The following PAK1 variants were observed in gnomAD, a reference collection of about 807,000 sequenced individuals.
PAK1 encodes the protein serine/threonine-protein kinase PAK 1.
PAK1 carries 29 observed loss-of-function variants against 67.4 expected under a neutral mutation model. The ratio of observed to expected loss-of-function variants is 0.43; its 90% confidence interval spans 0.32 to 0.59. PAK1 has a LOEUF of 0.59. PAK1 is among the 20% of genes least tolerant of loss of function. The probability of loss-of-function intolerance (pLI) is 0.07; values close to 1 mark genes in which losing one functional copy is unlikely to be tolerated. For synonymous variants in PAK1, 223 were observed against 237.4 expected, an observed-to-expected ratio of 0.94 and a Z score of 0.56; for missense variants, 337 against 670.7, an observed-to-expected ratio of 0.50 and a Z score of 5.50.
chr11:77,328,854 T>G (rs539913742), intron 14 of PAK1, among the ~76,000 whole-genome samples: 1 of 152,104 alleles, frequency 6.6e-6, no homozygotes, highest in Non-Finnish European at 1.5e-5. Context: ...AGCTGGTTTT[T>G]TGAAAGGATC....
Position 77,371,478 on chromosome 11 carries a change from T to C in PAK1, c.477+2850A>G, listed in dbSNP as rs184250021. Reference sequence around the variant, plus strand: ...GCATAAAGAAGATACTAAGTCAATATTTAGGGTATGAGTGAATACATGAAT... The same window carrying C: ...GCATAAAGAAGATACTAAGTCAATACTTAGGGTATGAGTGAATACATGAAT... On this transcript the variant is annotated intron_variant, in intron 5 of 14. Transcript: ENST00000356341. 3.9e-3 allele frequency among the ~76,000 whole-genome samples: 589 copies of C among 152,326 alleles called. 4 individuals carry two copies. Among genetic ancestry groups the C allele is most frequent in the African/African-American group, 0.013 (556 of 41,576 alleles).
At chr11:77,458,971 G>A (rs910828621) in intron 1 of PAK1, among the ~76,000 whole-genome samples, 3 of 152,168 alleles carry the variant, frequency 2.0e-5, no homozygotes, top group African/African-American at 7.2e-5. Flanking sequence ...GAAAACTGGG[G>A]AAGCCTACAT....
At chr11:77,393,001 T>C (rs1951332343) in intron 1 of PAK1, among the ~76,000 whole-genome samples, 1 of 152,202 alleles carries the variant, frequency 6.6e-6, no homozygotes, top group African/African-American at 2.4e-5. Flanking sequence ...CAAGTTACAC[T>C]TTCCCTCTTG....
rs147673817 is a variant in PAK1 at position 77,399,589 on chromosome 11, G to A, written c.-21-7048C>T. Among the ~76,000 whole-genome samples, 12 of 152,192 alleles carry A rather than the reference G, an allele frequency of 7.9e-5. No individual in the cohort carries two copies. In the East Asian group the frequency reaches 2.3e-3, roughly 29 times the overall value. On this transcript the variant is annotated intron_variant, in intron 1 of 14. Transcript: ENST00000356341. Reference sequence around the variant, plus strand: ...TAAGAAATAAGATTGGCCGGGCGCGGTGGCTCACGCCTGTAATCCCAGCAC... The same window carrying A: ...TAAGAAATAAGATTGGCCGGGCGCGATGGCTCACGCCTGTAATCCCAGCAC...
At chr11:77,410,140 T>C (rs1954283854) in intron 1 of PAK1, among the ~76,000 whole-genome samples, 1 of 152,160 alleles carries the variant, frequency 6.6e-6, no homozygotes, top group Admixed American at 6.5e-5. Flanking sequence ...GGCTACCTCC[T>C]TTCCTCCAGA....
chr11:77,488,685 A>G, the PAK1 span, among the ~76,000 whole-genome samples: 1 of 152,120 alleles, frequency 6.6e-6, no homozygotes, highest in South Asian at 2.1e-4. Context: ...TTAACACAGA[A>G]TTGATCAAGC....
At chr11:77,501,619 C>G in the PAK1 span, among the ~76,000 whole-genome samples, 4 of 152,288 alleles carry the variant, frequency 2.6e-5, no homozygotes, top group East Asian at 3.9e-4. Context: ...CAGGGACAGG[C>G]TTGTGGGAAT....
intron 13 of PAK1, among the ~76,000 whole-genome samples, chr11:77,333,913 A>T (rs1942193257): frequency 6.6e-6 from 1 of 152,024 alleles, no homozygotes. Context: ...TAATCCCAGC[A>T]CTTTGGGAGG....
intron 1 of PAK1, among the ~76,000 whole-genome samples, chr11:77,428,750 G>A (rs1335083143): frequency 6.6e-6 from 1 of 151,806 alleles, no homozygotes; most frequent in Non-Finnish European, 1.5e-5. Flanking sequence ...GTGGACTGGT[G>A]TGGAATATCA....
In PAK1 at chr11:77,332,806, G is replaced by A; in HGVS notation, c.1475C>T (p.Ala492Val). 1 of 1,613,192 alleles carries A rather than the reference G, an allele frequency of 6.2e-7. No homozygotes were observed. Among genetic ancestry groups the A allele is most frequent in the South Asian group, 1.1e-5 (1 of 91,064 alleles). ...GCGGTTCAGAAAGTCCCGGAAGATA[G>A]CTGACAGCTTCTCTGGGTTCTGAAG... ...PELQNPEKLSAIFRDFLNRCL... is the reference protein window; with the variant it reads ...PELQNPEKLSVIFRDFLNRCL... The change falls in exon 14 of 15, where the codon GCT (alanine) becomes GTT (valine). Residue 492 changes from alanine (A) to valine (V), a missense_variant. Ala to Val is a moderately conservative substitution (Grantham distance 64). Coordinates refer to ENST00000356341, the MANE Select transcript of PAK1 (RefSeq NM_002576.5).
At chr11:77,380,063 T>A in intron 2 of PAK1, 69 bp from the exon 3 acceptor site, 4 of 1,156,896 alleles carry the variant, frequency 3.5e-6, no homozygotes, top group Non-Finnish European at 5.1e-6. Flanking sequence ...ATTTTAGCTC[T>A]TTATTGAGCT....
intron 9 of PAK1, 85 bp downstream of exon 9, chr11:77,349,154 C>A: frequency 2.3e-6 from 2 of 860,978 alleles, no homozygotes; most frequent in Non-Finnish European, 3.8e-6. Flanking sequence ...TAGAACTGTT[C>A]CTGTTGACCT....
At chr11:77,360,558 A>G (rs1265439032) in intron 5 of PAK1, among the ~76,000 whole-genome samples, 1 of 152,214 alleles carries the variant, frequency 6.6e-6, no homozygotes, top group Admixed American at 6.5e-5. Context: ...GCTCTTCATC[A>G]TCAGGTAGCC....
intron 1 of PAK1, among the ~76,000 whole-genome samples, chr11:77,472,902 T>G (rs1957933913): frequency 6.6e-6 from 1 of 152,200 alleles, no homozygotes; most frequent in Non-Finnish European, 1.5e-5. Context: ...CCCAGTAATG[T>G]GTACTGCTGA....
At chr11:77,402,563 CAGGTTGAGGCCTGTAAGGCCTCATA>C (rs576799925) in intron 1 of PAK1, among the ~76,000 whole-genome samples, 2 of 152,244 alleles carry the variant, frequency 1.3e-5, no homozygotes, top group East Asian at 3.9e-4. Flanking sequence ...ACCTGCCTTA[CAGGTTGAGGCCTGTAAGGCCTCATA>C]AAGTTGAGGC....
chr11:77,436,202 C>T (rs531638), intron 1 of PAK1, among the ~76,000 whole-genome samples: 58,304 of 151,982 alleles, frequency 0.38, 11,973 homozygotes, highest in African/African-American at 0.53. Flanking sequence ...TGTTTCTCAG[C>T]AGACACTTAC....
intron 1 of PAK1, among the ~76,000 whole-genome samples, chr11:77,399,501 C>T (rs568777548): frequency 6.6e-6 from 1 of 152,096 alleles, no homozygotes; most frequent in East Asian, 1.9e-4. Flanking sequence ...AAGTTTTACA[C>T]CAGTGCTGAA....
intron 10 of PAK1, among the ~76,000 whole-genome samples, chr11:77,343,285 A>G (rs1327716614): frequency 6.6e-6 from 1 of 152,126 alleles, no homozygotes; most frequent in Non-Finnish European, 1.5e-5. Flanking sequence ...AAAAAATCAG[A>G]AATTTTAGTT....
At chr11:77,368,203 G>A (rs935867727) in intron 5 of PAK1, among the ~76,000 whole-genome samples, 3 of 152,114 alleles carry the variant, frequency 2.0e-5, no homozygotes, top group Non-Finnish European at 4.4e-5. Flanking sequence ...TGACAAAGAC[G>A]ACCCTACAAG....
Sources: allele counts gnomAD v4.1 joint callset (sites outside exome capture counted in the v4.1 genomes callset), GRCh38; gene constraint gnomAD v4.1.1; transcripts MANE v1.5; gene names NCBI Gene and HGNC (gene_info 2026-07-23, HGNC 2026-07-21).